SCOC: variants seen among roughly 807,000 people sequenced by gnomAD.
SCOC encodes the protein short coiled coil protein.
Under a neutral mutation model 9.9 loss-of-function variants are expected in SCOC, and 7 were observed. The ratio of observed to expected loss-of-function variants is 0.71; its 90% confidence interval spans 0.40 to 1.33. The LOEUF (loss-of-function observed/expected upper bound fraction) is 1.33, where lower values mean the gene tolerates loss of function less well. SCOC is among the 40% of genes most tolerant of loss of function. The pLI is 0.01. For synonymous variants in SCOC, 19 were observed against 28.2 expected, an observed-to-expected ratio of 0.67 and a Z score of 1.03; for missense variants, 66 against 89.7, an observed-to-expected ratio of 0.74 and a Z score of 1.07.
At chr4:140,372,885 T>C (rs116081478), upstream of SCOC, among the ~76,000 whole-genome samples, 2,687 of 152,278 alleles carry the variant, frequency 0.018, 38 homozygotes, top group Middle Eastern at 0.037. Context: ...AACACTCCAC[T>C]CTTGATACCG....
At chr4:140,275,820 GT>G (rs1175950527) in intron 1 of SCOC, among the ~76,000 whole-genome samples, 3,820 of 90,642 alleles carry the variant, frequency 0.042, 22 homozygotes, top group Middle Eastern at 0.078. Context: ...GCTCAGGTTT[GT>G]TTTTTTTTTT....
intron 1 of SCOC, among the ~76,000 whole-genome samples, chr4:140,261,482 C>A (rs1167963114): frequency 6.6e-6 from 1 of 152,216 alleles, no homozygotes; most frequent in Non-Finnish European, 1.5e-5. Flanking sequence ...GTGCTCCATG[C>A]CTTCCCCATT....
chr4:140,374,012 C>T (rs999312441), intron 1 of SCOC: 2 of 590,438 alleles, frequency 3.4e-6, no homozygotes, highest in African/African-American at 3.7e-5. Flanking sequence ...CCCGCAGCTC[C>T]TGGGTCGGGA....
At chr4:140,259,751 A>G (rs1450459905) in intron 1 of SCOC, among the ~76,000 whole-genome samples, 1 of 152,224 alleles carries the variant, frequency 6.6e-6, no homozygotes. Context: ...CTCAAAACTT[A>G]CTTACCTGTA....
chr4:140,338,608 A>G (rs2126504173), upstream of SCOC, among the ~76,000 whole-genome samples: 1 of 152,354 alleles, frequency 6.6e-6, no homozygotes, highest in African/African-American at 2.4e-5. Flanking sequence ...AAGTCTCAGG[A>G]TACAAAATCA....
chr4:140,321,420 G>A (rs1032199311), intron 1 of SCOC, among the ~76,000 whole-genome samples: 5 of 152,128 alleles, frequency 3.3e-5, no homozygotes, highest in African/African-American at 1.2e-4. Flanking sequence ...TGACAAATAT[G>A]TTAAAGACTA....
At chr4:140,338,029 C>A (rs1365812079) in intron 1 of SCOC, among the ~76,000 whole-genome samples, 1 of 152,222 alleles carries the variant, frequency 6.6e-6, no homozygotes, top group Non-Finnish European at 1.5e-5. Context: ...CCCTGATGAA[C>A]ATCGATGCAA....
At chr4:140,281,501 G>C (rs1731094996) in intron 1 of SCOC, among the ~76,000 whole-genome samples, 1 of 152,184 alleles carries the variant, frequency 6.6e-6, no homozygotes, top group South Asian at 2.1e-4. Context: ...AATACTCATG[G>C]CTTACATTTT....
At position 140,379,149 on chromosome 4, in the gene SCOC, G is replaced by A. The variant is rs1351902506; in HGVS notation, c.-22G>A. The A allele has an allele frequency of 6.2e-7, 1 of 1,609,346 alleles. No homozygotes were observed. The highest frequency in any genetic ancestry group is 1.1e-5 in the South Asian group (1 of 90,922). On this transcript the variant is annotated 5_prime_UTR_variant, in exon 2 of 4. Coordinates refer to ENST00000608372, the MANE Select transcript of SCOC (RefSeq NM_001153484.2). ...ATTCCTCAAGAATTTTGTATCCAAG[G>A]CCCAAAAGTTTGTTACCCAAGATGA...
chr4:140,366,687 A>G, intron 2 of SCOC: 1 of 1,595,086 alleles, frequency 6.3e-7, no homozygotes, highest in Non-Finnish European at 8.6e-7. Flanking sequence ...GGTTGAAATC[A>G]GTGAGCTGCA....
chr4:140,374,304 A>G, intron 1 of SCOC: 1 of 388,070 alleles, frequency 2.6e-6, no homozygotes, highest in Non-Finnish European at 5.2e-6. Context: ...GAAAGAGGAT[A>G]CATTCCTGAA....
At chr4:140,286,884 AAAG>A (rs1451231012) in intron 1 of SCOC, among the ~76,000 whole-genome samples, 1 of 152,168 alleles carries the variant, frequency 6.6e-6, no homozygotes, top group African/African-American at 2.4e-5. Flanking sequence ...AAAGTGAGAG[AAAG>A]AAGAGATACT....
At position 140,303,703 on chromosome 4, in the gene SCOC, A is replaced by T. The variant is rs79312308; in HGVS notation, c.-18-39918A>T. Among the ~76,000 whole-genome samples the T allele has an allele frequency of 8.9e-3, 1,353 of 152,292 alleles. 7 individuals carry two copies. Among genetic ancestry groups the T allele is most frequent in the African/African-American group, 0.017 (706 of 41,562 alleles). On this transcript the variant is annotated intron_variant, in intron 1 of 4. Transcript: ENST00000394205. Reference sequence around the variant, plus strand: ...CTGGAGCTATGGGAACAATACTGGGAACTCTTACTTCCTTTGGGAAACGCC... The same window carrying T: ...CTGGAGCTATGGGAACAATACTGGGTACTCTTACTTCCTTTGGGAAACGCC...
intron 1 of SCOC, among the ~76,000 whole-genome samples, chr4:140,274,443 T>TGA (rs1730930582): frequency 6.6e-6 from 1 of 152,198 alleles, no homozygotes; most frequent in Non-Finnish European, 1.5e-5. Context: ...TCTCCAGTTA[T>TGA]GAGGGGGCTC....
intron 1 of SCOC, among the ~76,000 whole-genome samples, chr4:140,289,018 A>G (rs955861293): frequency 1.3e-5 from 2 of 152,042 alleles, no homozygotes; most frequent in Non-Finnish European, 2.9e-5. Flanking sequence ...CACACACATG[A>G]CACACACACT....
rs193295859 is a variant in SCOC, at chr4:140,305,728, T to A, written c.-18-37893T>A. On this transcript the variant is annotated intron_variant, in intron 1 of 4. Coordinates refer to the SCOC transcript ENST00000394205. ...AGGGGAGGAGATGGGTATGCAAAAG[T>A]CTGCAATTGGGAGCTCACGAATCAC... Among the ~76,000 whole-genome samples, 283 of 152,024 alleles carry A rather than the reference T, an allele frequency of 1.9e-3. 1 individual carries two copies. The highest frequency in any genetic ancestry group is 6.3e-3 in the African/African-American group (263 of 41,426).
intron 2 of SCOC, chr4:140,366,661 C>G (rs528138969): frequency 2.6e-5 from 41 of 1,601,950 alleles, no homozygotes; most frequent in South Asian, 2.0e-4. Context: ...CTGGTGGGCT[C>G]TGTGTGGAAA....
chr4:140,319,410 G>C (rs952829455), intron 1 of SCOC, among the ~76,000 whole-genome samples: 7 of 152,026 alleles, frequency 4.6e-5, no homozygotes, highest in African/African-American at 1.4e-4. Flanking sequence ...GAACTTCGTG[G>C]AGTTATTTCT....
intron 1 of SCOC, among the ~76,000 whole-genome samples, chr4:140,276,520 G>A (rs1730987386): frequency 6.6e-6 from 1 of 152,076 alleles, no homozygotes; most frequent in Middle Eastern, 3.4e-3. Flanking sequence ...CTGGAGTGCT[G>A]TGGCACAAAC....
Sources: gnomAD v4.1 joint callset for allele counts (sites outside exome capture counted in the v4.1 genomes callset) on GRCh38, gnomAD v4.1.1 for gene constraint, MANE v1.5 for transcripts, NCBI Gene and HGNC (gene_info 2026-07-23, HGNC 2026-07-21) for gene names.